FOXK2: variants seen among roughly 807,000 people sequenced by gnomAD.
FOXK2 encodes the protein forkhead box K2, also known as forkhead box protein K2.
In FOXK2, 24 loss-of-function variants were observed where a neutral mutation model predicts 53.3. The ratio of observed to expected loss-of-function variants is 0.45; its 90% CI spans 0.33 to 0.63. The LOEUF is 0.63. FOXK2 is among the 30% of genes least tolerant of loss of function. The probability of loss-of-function intolerance (pLI) is 0.03; values close to 1 mark genes in which losing one functional copy is unlikely to be tolerated. For missense variants in FOXK2, 952 were observed against 910.5 expected, an observed-to-expected ratio of 1.05 and a Z score of -0.59; for synonymous variants, 505 against 407.1, an observed-to-expected ratio of 1.24 and a Z score of -2.89.
intron 2 of FOXK2, among the ~76,000 whole-genome samples, 194 bp from the exon 3 acceptor site, chr17:82,567,860 G>C (rs939518298): frequency 6.6e-6 from 1 of 150,950 alleles, no homozygotes; most frequent in Non-Finnish European, 1.5e-5. Context: ...TTCTTGGGAC[G>C]ATCTTAAATT....
intron 1 of FOXK2, among the ~76,000 whole-genome samples, chr17:82,547,366 G>GA (rs1379546990): frequency 6.6e-6 from 1 of 151,090 alleles, no homozygotes; most frequent in Admixed American, 6.6e-5. Context: ...CTGGTAAGCT[G>GA]AAAAAATCAC....
intron 1 of FOXK2, among the ~76,000 whole-genome samples, chr17:82,552,835 C>G (rs4789789): frequency 0.68 from 103,332 of 152,032 alleles, 35,451 homozygotes; most frequent in South Asian, 0.84. Flanking sequence ...AGCCACTCTG[C>G]TCAAGCGTCT....
chr17:82,551,201 T>C (rs1306033773), intron 1 of FOXK2, among the ~76,000 whole-genome samples: 2 of 151,630 alleles, frequency 1.3e-5, no homozygotes, highest in African/African-American at 2.4e-5. Context: ...CCTGTAGTCC[T>C]AGCTACTCGG....
rs544438189 is a variant in FOXK2 at position 82,586,975 on chromosome 17, T to C, written c.1577-88T>C. On this transcript the variant is annotated intron_variant, in intron 7 of 8. Coordinates refer to ENST00000335255, the MANE Select transcript of FOXK2 (RefSeq NM_004514.4). ...TAGAGACATTTTCTAGCAGGTGTGA[T>C]AGCTATCTGGTTATTATGTTTTAAA... 1.9e-5 allele frequency: 22 copies of C among 1,169,954 alleles called. No individual in the cohort carries two copies. In the South Asian group the frequency reaches 2.4e-4, roughly 13 times the overall value. The allele number at this position is 1,169,954 out of a possible 1,614,324, so 72.5% of individuals were successfully genotyped here.
chr17:82,523,578 T>G (rs927436837), intron 1 of FOXK2, among the ~76,000 whole-genome samples: 16 of 151,806 alleles, frequency 1.1e-4, no homozygotes, highest in African/African-American at 3.9e-4. Context: ...GCTCAAGCGA[T>G]TCTCCTGCTT....
In FOXK2 at chr17:82,572,894, T is replaced by TA. The variant is rs773335941; in HGVS notation, c.909+1030dup. On this transcript the variant is annotated intron_variant, in intron 4 of 8. Transcript: ENST00000335255. ...CCACAGATGTATAAACATGTTATGTTAAAAAATAGCCTACCGGCCGGGCAC... is the reference window on the plus strand; with the variant it reads ...CCACAGATGTATAAACATGTTATGTTAAAAAAATAGCCTACCGGCCGGGCAC... 5.7e-4 allele frequency among the ~76,000 whole-genome samples: 87 copies of TA among 152,192 alleles called. 1 individual carries two copies. The highest frequency in any genetic ancestry group is 1.1e-3 in the Non-Finnish European group (75 of 68,014).
chr17:82,542,304 G>GGTGC (rs1229023274), intron 1 of FOXK2, among the ~76,000 whole-genome samples: 1 of 151,914 alleles, frequency 6.6e-6, no homozygotes, highest in East Asian at 1.9e-4. Flanking sequence ...TGGGATTACA[G>GGTGC]GTGCGCACTA....
intron 2 of FOXK2, among the ~76,000 whole-genome samples, chr17:82,565,900 C>T (rs1278301331): frequency 1.3e-5 from 2 of 152,162 alleles, no homozygotes; most frequent in African/African-American, 2.4e-5. Context: ...ATAGAAGATA[C>T]AATGGAATAT....
rs1214925695 is a variant in FOXK2, at chr17:82,524,247, T to C, written c.419+3940T>C. ...ATTTGTCTACTAAATTTAACATCACTGTAGAGTTAGAAAATAATGTAACAA... is the reference window on the plus strand; with the variant it reads ...ATTTGTCTACTAAATTTAACATCACCGTAGAGTTAGAAAATAATGTAACAA... On this transcript the variant is annotated intron_variant, in intron 1 of 8. Transcript: ENST00000335255. Among the ~76,000 whole-genome samples, 4 of 152,354 alleles carry C rather than the reference T, an allele frequency of 2.6e-5. No individual in the cohort carries two copies. In the South Asian group the frequency reaches 6.2e-4, roughly 24 times the overall value.
At chr17:82,578,571 A>T (rs910442079) in intron 4 of FOXK2, 2 of 152,214 alleles carry the variant, frequency 1.3e-5, no homozygotes, top group Non-Finnish European at 2.9e-5. Flanking sequence ...AAACATAGTT[A>T]CTTTATTCTA....
At chr17:82,567,925 CCTTTTT>C in intron 2 of FOXK2, 123 bp from the exon 3 acceptor site, 3 of 595,588 alleles carry the variant, frequency 5.0e-6, no homozygotes, top group Non-Finnish European at 7.6e-6. Context: ...ATATTCTCTT[CCTTTTT>C]TTTTTTTTTT....
intron 8 of FOXK2, among the ~76,000 whole-genome samples, chr17:82,592,044 C>T (rs988951974): frequency 6.6e-6 from 1 of 152,226 alleles, no homozygotes; most frequent in African/African-American, 2.4e-5. Context: ...GCTGGGACTA[C>T]AGGTGTGCAG....
chr17:82,547,802 C>T (rs768352287), intron 1 of FOXK2, among the ~76,000 whole-genome samples: 1 of 152,178 alleles, frequency 6.6e-6, no homozygotes, highest in Non-Finnish European at 1.5e-5. Context: ...CCTGGAGAGT[C>T]CCAGACACTC....
chr17:82,560,990 A>G (rs12939396), intron 1 of FOXK2, among the ~76,000 whole-genome samples: 27,433 of 151,914 alleles, frequency 0.18, 2,802 homozygotes, highest in Non-Finnish European at 0.23. Flanking sequence ...CACTCAAGCA[A>G]TCCTCCCTCC....
chr17:82,581,887 T>G (rs545181279), intron 4 of FOXK2, among the ~76,000 whole-genome samples: 1 of 152,232 alleles, frequency 6.6e-6, no homozygotes, highest in Non-Finnish European at 1.5e-5. Context: ...ATAGAAAGAA[T>G]GATGCACTGA....
chr17:82,579,889 A>G (rs1275911018), intron 4 of FOXK2, among the ~76,000 whole-genome samples: 10 of 101,794 alleles, frequency 9.8e-5, no homozygotes, highest in East Asian at 6.3e-4. Context: ...CATGTCGCCC[A>G]TGAAGTAGCT....
At position 82,584,549 on chromosome 17, in the gene FOXK2, C is replaced by CTTTTTT. The variant is rs34083156; in HGVS notation, c.1279+381_1279+386dup. On this transcript the variant is annotated intron_variant, in intron 6 of 8. Coordinates refer to ENST00000335255, the MANE Select transcript of FOXK2 (RefSeq NM_004514.4). Reference sequence around the variant, plus strand: ...TAGACACTGGAAGCAAAAACATGTCCTTTTTTTTTTTTTTTTTTTTTTTTT... The same window carrying CTTTTTT: ...TAGACACTGGAAGCAAAAACATGTCCTTTTTTTTTTTTTTTTTTTTTTTTTTTTTTT... 1.9e-4 allele frequency among the ~76,000 whole-genome samples: 17 copies of CTTTTTT among 89,852 alleles called. 1 individual carries two copies. Among genetic ancestry groups the CTTTTTT allele is most frequent in the East Asian group, 3.7e-4 (1 of 2,674 alleles). The allele number at this position is 89,852 out of a possible 152,430, so 58.9% of individuals were successfully genotyped here.
chr17:82,545,608 G>A (rs952866207), intron 1 of FOXK2, among the ~76,000 whole-genome samples: 1 of 141,558 alleles, frequency 7.1e-6, no homozygotes, highest in African/African-American at 2.6e-5. Context: ...TTGAGACAGA[G>A]TCTTGCTCTG....
intron 8 of FOXK2, among the ~76,000 whole-genome samples, chr17:82,588,972 T>C (rs950646899): frequency 6.6e-6 from 1 of 150,642 alleles, no homozygotes; most frequent in Non-Finnish European, 1.5e-5. Context: ...GGCAGGAGAA[T>C]CGCTTGAACC....
Sources: gnomAD v4.1 joint callset for allele counts (sites outside exome capture counted in the v4.1 genomes callset) on GRCh38, gnomAD v4.1.1 for gene constraint, MANE v1.5 for transcripts, NCBI Gene and HGNC (gene_info 2026-07-23, HGNC 2026-07-21) for gene names.